DMD: variants seen among roughly 807,000 people sequenced by gnomAD.
DMD encodes mutant dystrophin.
Under a neutral mutation model 330.1 loss-of-function variants are expected in DMD, and 63 were observed. The ratio of observed to expected loss-of-function variants is 0.19; its 90% confidence interval spans 0.16 to 0.24. DMD has a LOEUF of 0.24. Ranked by LOEUF, DMD falls within the 10% of genes least tolerant of loss-of-function variation. The pLI, the probability that DMD is intolerant of heterozygous loss-of-function variation, is 1.00. For missense variants in DMD, 3,344 were observed against 2,684.1 expected (o/e 1.25, Z -5.43); for synonymous variants, 1,223 against 959.8 (o/e 1.27, Z -5.07).
intron 44 of DMD, among the ~76,000 whole-genome samples, chrX:31,995,370 T>C (rs2095578057): frequency 8.9e-6 from 1 of 111,829 alleles, no homozygotes; most frequent in Admixed American, 9.5e-5. Context: ...TGTAGGATTA[T>C]GGCTGATTTT....
At chrX:32,704,381 T>C (rs937335449) in intron 7 of DMD, among the ~76,000 whole-genome samples, 1 of 98,762 alleles carries the variant, frequency 1.0e-5, no homozygotes. Flanking sequence ...AAAACTAATC[T>C]TGGGCAGTCA....
At position 33,155,319 on chromosome X, in the gene DMD, C is replaced by CT. The variant is rs765047079; in HGVS notation, c.31+55962dup. Among the ~76,000 whole-genome samples the CT allele has an allele frequency of 5.9e-3, 577 of 97,836 alleles. 3 individuals are homozygous for CT. The highest frequency in any genetic ancestry group is 0.016 in the African/African-American group (442 of 27,260). 85.0% of individuals were successfully genotyped at this position (97,836 alleles called of 115,157 possible). A position where few individuals can be genotyped will look rare whatever the true frequency, so the allele number is the denominator to read the frequency against. ...ATAGACAATGTTTATGAGCCTTTCT[C>CT]TTTTTTTTTTTTTTTAGACAGAGTC... is the stretch of plus-strand genomic sequence containing the variant. On this transcript the variant is annotated intron_variant, in intron 1 of 78. Transcript: ENST00000357033.
chrX:32,308,344 A>G (rs2097548393), intron 42 of DMD, among the ~76,000 whole-genome samples: 1 of 111,440 alleles, frequency 9.0e-6, no homozygotes, highest in African/African-American at 3.2e-5. Context: ...AATCAACCAC[A>G]ATTTCAAACC....
chrX:31,864,485 CTTT>C (rs201374257), intron 48 of DMD, among the ~76,000 whole-genome samples: 6 of 54,332 alleles, frequency 1.1e-4, no homozygotes, highest in Admixed American at 4.0e-4. Context: ...TTTTGAAGGC[CTTT>C]TTTTTTTTTT....
chrX:31,567,156 C>A (rs2075512634), intron 55 of DMD, among the ~76,000 whole-genome samples: 1 of 111,453 alleles, frequency 9.0e-6, no homozygotes, highest in African/African-American at 3.2e-5. Context: ...GTCATGCCAT[C>A]CACAAATAGA....
At chrX:33,240,475 C>T (rs982237473) in intron 1 of DMD, among the ~76,000 whole-genome samples, 3 of 111,648 alleles carry the variant, frequency 2.7e-5, no homozygotes, top group Admixed American at 9.5e-5. Flanking sequence ...TTGATGGACC[C>T]TTAGGTTGAT....
rs138115890 is a variant in DMD, at chrX:33,049,072, G to A, written c.32-28872C>T. The stretch of plus-strand genomic sequence containing the variant: ...TCAGACCAAGGAAGGCATAACTTGT[G>A]TTCCATGAAGCCTACTGTGTCAAGT... On this transcript the variant is annotated intron_variant, in intron 1 of 78. Transcript: ENST00000357033. Among the ~76,000 whole-genome samples the A allele has an allele frequency of 2.7e-5, 3 of 111,780 alleles. No homozygotes were observed. The East Asian group carries it at 8.5e-4, about 32-fold the overall frequency.
At chrX:32,386,269 G>C (rs367760633) in intron 33 of DMD, 41 bp downstream of exon 33, 1 of 1,199,040 alleles carries the variant, frequency 8.3e-7, no homozygotes, top group African/African-American at 1.8e-5. Flanking sequence ...AATTTATAAG[G>C]AAAGTGGAAA....
intron 43 of DMD, among the ~76,000 whole-genome samples, chrX:32,244,363 T>A (rs1305694278): frequency 1.1e-5 from 1 of 90,507 alleles, no homozygotes; most frequent in Non-Finnish European, 2.2e-5. Flanking sequence ...TCTATCATTG[T>A]TGGACATTTG....
chrX:32,500,141 C>A (rs150092363), intron 19 of DMD, among the ~76,000 whole-genome samples: 12 of 110,521 alleles, frequency 1.1e-4, no homozygotes, highest in Non-Finnish European at 2.1e-4. Flanking sequence ...CCCCTACCCC[C>A]CAGTGTTCCC....
chrX:31,833,445 C>A lies in DMD; in HGVS notation c.7200+3273G>T, dbSNP rs973146539. On this transcript the variant is annotated intron_variant, in intron 49 of 78. Coordinates refer to ENST00000357033, the MANE Select transcript of DMD (RefSeq NM_004006.3). ...ATGGAGAGGTATTTGATCATACGATCCTAAGATTTTTCCAGTTATTTTGCA... is the reference window on the plus strand; with the variant it reads ...ATGGAGAGGTATTTGATCATACGATACTAAGATTTTTCCAGTTATTTTGCA... 2.7e-5 allele frequency among the ~76,000 whole-genome samples: 3 copies of A among 109,587 alleles called. No homozygotes were observed. The Admixed American group carries it at 2.9e-4, about 11-fold the overall frequency.
intron 7 of DMD, among the ~76,000 whole-genome samples, chrX:32,802,104 T>C (rs890904715): frequency 8.9e-6 from 1 of 111,890 alleles, no homozygotes; most frequent in African/African-American, 3.3e-5. Flanking sequence ...TCGGGCAGTA[T>C]GGCCATTTTC....
intron 2 of DMD, among the ~76,000 whole-genome samples, chrX:32,874,790 TG>T (rs1393059700): frequency 9.0e-6 from 1 of 111,668 alleles, no homozygotes; most frequent in African/African-American, 3.3e-5. Flanking sequence ...AGCCCTAAGA[TG>T]CCATGCATAA....
intron 9 of DMD, among the ~76,000 whole-genome samples, chrX:32,652,142 CTTTT>C (rs772271257): frequency 4.6e-5 from 5 of 109,805 alleles, no homozygotes; most frequent in African/African-American, 1.7e-4. Context: ...AAACATTAAT[CTTTT>C]TTTTTATACT....
chrX:32,361,157 T>A (rs1015188791), intron 37 of DMD, among the ~76,000 whole-genome samples: 1 of 111,783 alleles, frequency 8.9e-6, no homozygotes, highest in Admixed American at 9.7e-5. Flanking sequence ...TGTGTCTATA[T>A]CTTAGTAATG....
intron 47 of DMD, among the ~76,000 whole-genome samples, chrX:31,897,051 T>A (rs1000994805): frequency 9.0e-6 from 1 of 110,535 alleles, no homozygotes; most frequent in African/African-American, 3.3e-5. Context: ...TGGGTATATC[T>A]CCCAATGCTA....
intron 2 of DMD, among the ~76,000 whole-genome samples, chrX:32,964,214 G>A (rs957295175): frequency 5.4e-5 from 5 of 93,431 alleles, no homozygotes; most frequent in African/African-American, 1.7e-4. Context: ...CCAAGATCAC[G>A]CTGCTGCACT....
At chrX:32,730,571 G>A (rs891288260) in intron 7 of DMD, among the ~76,000 whole-genome samples, 8 of 111,899 alleles carry the variant, frequency 7.1e-5, no homozygotes, top group Non-Finnish European at 1.3e-4. Flanking sequence ...GAAATAGTAA[G>A]ATGTTTGCCC....
At chrX:32,841,075 C>T (rs775603891) in intron 4 of DMD, among the ~76,000 whole-genome samples, 1 of 111,385 alleles carries the variant, frequency 9.0e-6, no homozygotes, top group African/African-American at 3.3e-5. Context: ...TAGTCTAGTT[C>T]AGTCATTTTG....
Sources: gnomAD v4.1 joint callset for allele counts (sites outside exome capture counted in the v4.1 genomes callset) on GRCh38, gnomAD v4.1.1 for gene constraint, MANE v1.5 for transcripts, NCBI Gene and HGNC (gene_info 2026-07-23, HGNC 2026-07-21) for gene names.